Variants in MAML2 observed in about 807,000 individuals in gnomAD.
The protein encoded by MAML2 is mastermind-like protein 2.
Under a neutral mutation model 96.1 loss-of-function variants are expected in MAML2, and 22 were observed. The observed-to-expected ratio is 0.23, with a 90% confidence interval of 0.16 to 0.33. The LOEUF is 0.33. Among genes scored for constraint, MAML2 ranks in the 10% least tolerant of loss-of-function variants. The pLI, the probability that MAML2 is intolerant of heterozygous loss-of-function variation, is 1.00. For missense variants in MAML2, 1,367 were observed against 1,392.4 expected (o/e 0.98, Z 0.29); for synonymous variants, 561 against 521.3 (o/e 1.08, Z -1.04).
At position 96,203,834 on chromosome 11, in the gene MAML2, G is replaced by A. The variant is rs935392570; in HGVS notation, c.514-110317C>T. Among the ~76,000 whole-genome samples, 10 of 152,284 alleles carry A rather than the reference G, an allele frequency of 6.6e-5. 1 individual carries two copies. Among genetic ancestry groups the A allele is most frequent in the South Asian group, 4.1e-4 (2 of 4,820 alleles). The stretch of plus-strand genomic sequence containing the variant: ...TAAATGTTTTCAAAAAATTCAGTGC[G>A]GTTATTCTCAATAATATGAGTGCAA... On this transcript the variant is annotated intron_variant, in intron 1 of 4. Transcript: ENST00000524717.
chr11:96,175,507 T>A (rs1224156808), intron 1 of MAML2, among the ~76,000 whole-genome samples: 5 of 152,226 alleles, frequency 3.3e-5, no homozygotes, highest in Admixed American at 1.3e-4. Flanking sequence ...TTTAGCAATA[T>A]TTGTCCTTAG....
At chr11:96,144,334 T>C (rs1326136105) in intron 1 of MAML2, among the ~76,000 whole-genome samples, 1 of 152,202 alleles carries the variant, frequency 6.6e-6, no homozygotes, top group Non-Finnish European at 1.5e-5. Flanking sequence ...AGAAACTCAG[T>C]GTCTATAATC....
chr11:95,994,084 T>A (rs576668964), intron 2 of MAML2, among the ~76,000 whole-genome samples: 4 of 152,114 alleles, frequency 2.6e-5, no homozygotes, highest in Non-Finnish European at 5.9e-5. Context: ...ACAGGAAGCA[T>A]TGAGAAGAAA....
intron 1 of MAML2, among the ~76,000 whole-genome samples, chr11:96,095,007 A>G (rs966195882): frequency 6.6e-6 from 1 of 152,210 alleles, no homozygotes; most frequent in Non-Finnish European, 1.5e-5. Flanking sequence ...CAACAATCCC[A>G]TTAGAAAGGT....
chr11:96,086,737 A>G (rs532487582), intron 2 of MAML2, among the ~76,000 whole-genome samples: 1 of 152,332 alleles, frequency 6.6e-6, no homozygotes, highest in East Asian at 1.9e-4. Flanking sequence ...ACAAGTGAAT[A>G]GAAGCTTAGC....
At chr11:96,027,211 TATTC>T (rs144573253) in intron 2 of MAML2, among the ~76,000 whole-genome samples, 44 of 151,812 alleles carry the variant, frequency 2.9e-4, no homozygotes, top group Admixed American at 7.2e-4. Context: ...TGCATTCATT[TATTC>T]ATTCATTCAT....
At chr11:96,340,367 G>A (rs180798165) in intron 1 of MAML2, among the ~76,000 whole-genome samples, 98 of 152,330 alleles carry the variant, frequency 6.4e-4, no homozygotes, top group African/African-American at 2.2e-3. Flanking sequence ...AGCTCCAAAA[G>A]GGAGGAAGCC....
intron 1 of MAML2, among the ~76,000 whole-genome samples, chr11:96,196,283 C>G (rs139150706): frequency 6.7e-6 from 1 of 150,102 alleles, no homozygotes; most frequent in South Asian, 2.1e-4. Context: ...CCAGTTGCTT[C>G]GGTGATTTTC....
chr11:95,999,836 T>A (rs1240311352), intron 2 of MAML2, among the ~76,000 whole-genome samples: 1 of 152,192 alleles, frequency 6.6e-6, no homozygotes, highest in African/African-American at 2.4e-5. Context: ...TGGGCAAGTC[T>A]GTACAGTAGA....
intron 2 of MAML2, among the ~76,000 whole-genome samples, chr11:96,003,564 A>G (rs1025840763): frequency 1.4e-4 from 21 of 152,150 alleles, no homozygotes; most frequent in African/African-American, 4.8e-4. Flanking sequence ...AGTAGACAGC[A>G]CTAGTGAAAG....
chr11:96,084,601 C>T (rs1159709473), intron 2 of MAML2, among the ~76,000 whole-genome samples: 3 of 152,132 alleles, frequency 2.0e-5, no homozygotes, highest in Non-Finnish European at 1.5e-5. Flanking sequence ...CCTTTCAAGG[C>T]CTGCGATGAA....
In MAML2 at chr11:96,092,922, G is replaced by A. The variant is rs191030213; in HGVS notation, c.1109C>T (p.Pro370Leu). 5.8e-4 allele frequency: 938 copies of A among 1,607,942 alleles called. 1 individual carries two copies. The highest frequency in any genetic ancestry group is 7.4e-4 in the Non-Finnish European group (874 of 1,176,684). Reference sequence around the variant, plus strand: ...GCCTGAGGGGCCCTGAGTCAAGCCCGGTGAGTATTCACTTTTGATCACTAT... The same window carrying A: ...GCCTGAGGGGCCCTGAGTCAAGCCCAGTGAGTATTCACTTTTGATCACTAT... ...EKIVIKSEYSPGLTQGPSGSP... is the reference protein window; with the variant it reads ...EKIVIKSEYSLGLTQGPSGSP... The change falls in exon 2 of 5, where the codon CCG becomes CTG. Residue 370 changes from proline (P) to leucine (L), a missense_variant. Physicochemically the swap from Pro to Leu is moderately conservative, Grantham distance 98 (BLOSUM62 -3). Transcript: ENST00000524717. This position sits in a 1 kb window ranked among gnomAD's most constrained non-coding sequence, Gnocchi z 4.1.
chr11:96,009,476 T>A (rs1322550378), intron 2 of MAML2, among the ~76,000 whole-genome samples: 1 of 149,684 alleles, frequency 6.7e-6, no homozygotes, highest in African/African-American at 2.5e-5. Context: ...AAGATCTGAA[T>A]AATTTAGTTT....
intron 1 of MAML2, among the ~76,000 whole-genome samples, chr11:96,328,667 C>T (rs942710480): frequency 7.9e-5 from 12 of 152,048 alleles, no homozygotes; most frequent in African/African-American, 2.7e-4. Flanking sequence ...GATTTAATAT[C>T]GTTTGGGAAA....
At chr11:96,177,916 T>TTGTGTGTGTGTGTGTGTGTG (rs58447778) in intron 1 of MAML2, among the ~76,000 whole-genome samples, 3 of 139,854 alleles carry the variant, frequency 2.1e-5, no homozygotes, top group Non-Finnish European at 4.6e-5. Context: ...GAGACCTTAG[T>TTGTGTGTGTGTGTGTGTGTG]TGTGTGTGTG....
chr11:96,298,473 G>T (rs758213903), intron 1 of MAML2, among the ~76,000 whole-genome samples: 3 of 152,062 alleles, frequency 2.0e-5, no homozygotes, highest in Non-Finnish European at 4.4e-5. Flanking sequence ...GTAAACATAG[G>T]TGTAGGTATT....
chr11:96,045,300 G>A (rs1454306588), intron 2 of MAML2, among the ~76,000 whole-genome samples: 2 of 152,152 alleles, frequency 1.3e-5, no homozygotes, highest in Admixed American at 1.3e-4. Context: ...AGAGTATGGT[G>A]CCTGCATATT....
chr11:96,047,448 C>T (rs546083725), intron 2 of MAML2, among the ~76,000 whole-genome samples: 1 of 152,258 alleles, frequency 6.6e-6, no homozygotes, highest in African/African-American at 2.4e-5. Context: ...ATTTACTTTA[C>T]AGGTATGCTT....
intron 1 of MAML2, among the ~76,000 whole-genome samples, chr11:96,282,248 C>CAAA (rs546246324): frequency 1.3e-4 from 18 of 136,866 alleles, no homozygotes; most frequent in South Asian, 4.7e-4. Flanking sequence ...GACTCCATCT[C>CAAA]AAAAAAAAAA....
Sources: gnomAD v4.1 joint callset for allele counts (sites outside exome capture counted in the v4.1 genomes callset) on GRCh38, gnomAD v4.1.1 for gene constraint, Gnocchi (gnomAD v3.1) non-coding constraint, MANE v1.5 for transcripts, NCBI Gene and HGNC (gene_info 2026-07-23, HGNC 2026-07-21) for gene names.